PSMD5: variants seen among roughly 807,000 people sequenced by gnomAD.
The protein encoded by PSMD5 is proteasome 26S subunit, non-ATPase 5, also known as 26S proteasome non-ATPase regulatory subunit 5.
Under a neutral mutation model 52.1 loss-of-function variants are expected in PSMD5, and 40 were observed. That is an observed-to-expected ratio of 0.77 (90% CI 0.60 to 1.00). PSMD5 has a LOEUF of 1.00. Among genes scored for constraint, PSMD5 ranks in the 50% least tolerant of loss-of-function variants. The pLI is 0.00. For missense variants in PSMD5, 575 were observed against 605.2 expected (o/e 0.95, Z 0.52); for synonymous variants, 211 against 226.6 (o/e 0.93, Z 0.62).
At chr9:120,828,005 A>AT (rs1199166830) in intron 5 of PSMD5, among the ~76,000 whole-genome samples, 3 of 151,786 alleles carry the variant, frequency 2.0e-5, no homozygotes, top group Admixed American at 6.6e-5. Context: ...ATATCTTTTT[A>AT]TTTTTTTTGA....
At position 120,818,149 on chromosome 9, in the gene PSMD5, T is replaced by A; in HGVS notation, c.1272A>T (p.Gln424His). Residue 424 changes from glutamine (Q) to histidine (H), a missense_variant, in exon 10 of 10, where the codon CAA becomes CAT. Gln to His is a conservative substitution (Grantham distance 24). Transcript: ENST00000210313. The stretch of plus-strand genomic sequence containing the variant: ...TAAACATAAGTTTCTGAGCCCAGGG[T>A]TGGTTTGCAATGGCCTGAAATGGAA... Reference protein sequence around the residue: ...ALKVFTAIANQPWAQKLMFNS... With the variant: ...ALKVFTAIANHPWAQKLMFNS... 6.2e-7 allele frequency: 1 copy of A among 1,613,302 alleles called. No individual in the cohort carries two copies. The highest frequency in any genetic ancestry group is 8.5e-7 in the Non-Finnish European group (1 of 1,179,358).
chr9:120,833,377 T>C lies in PSMD5; in HGVS notation c.253A>G (p.Arg85Gly), dbSNP rs778771512. ...MEPVHVARNL[R>G]VDLQRGLIHP... ...ATTAGTCCCCTCTGCAGGTCAACCC[T>C]GAGGTTCCGGGCCACGTGAACCGGT... The change falls in exon 2 of 10, where the codon AGG becomes GGG. Residue 85 changes from arginine to glycine, a missense_variant. By Grantham distance (125) the Arg-to-Gly change is moderately radical. Transcript: ENST00000210313. The C allele has an allele frequency of 3.1e-6, 5 of 1,614,106 alleles. No homozygotes were observed. Among genetic ancestry groups the C allele is most frequent in the Non-Finnish European group, 4.2e-6 (5 of 1,179,940 alleles).
At chr9:120,835,615 C>T (rs930132876) in intron 1 of PSMD5, among the ~76,000 whole-genome samples, 62 of 152,064 alleles carry the variant, frequency 4.1e-4, no homozygotes, top group African/African-American at 1.5e-3. Flanking sequence ...GTAATCCCAC[C>T]TACTTCAGGA....
At chr9:120,833,975 CTTTTTTTTTTT>C (rs34657179) in intron 1 of PSMD5, among the ~76,000 whole-genome samples, 1 of 80,322 alleles carries the variant, frequency 1.2e-5, no homozygotes, top group Non-Finnish European at 2.4e-5. Flanking sequence ...CGCACCTGGC[CTTTTTTTTTTT>C]TTTTTTTTTT....
At position 120,817,561 on chromosome 9, in the gene PSMD5, G is replaced by A. The variant is rs772984748; in HGVS notation, c.*345C>T. 13 of 200,696 alleles carry A rather than the reference G, an allele frequency of 6.5e-5. No homozygotes were observed. The highest frequency in any genetic ancestry group is 1.0e-4 in the Non-Finnish European group (10 of 98,142). The allele number at this position is 200,696 out of a possible 1,614,324, so 12.4% of individuals were successfully genotyped here. On this transcript the variant is annotated 3_prime_UTR_variant, in exon 10 of 10. Transcript: ENST00000210313. Reference sequence around the variant, plus strand: ...CTGGGAATTATAGGTGTTAGCCACCGCGCCCAGCCCTGAAGCAGGCTTTTA... The same window carrying A: ...CTGGGAATTATAGGTGTTAGCCACCACGCCCAGCCCTGAAGCAGGCTTTTA...
intron 6 of PSMD5, 136 bp downstream of exon 6, chr9:120,826,629 C>T (rs1036788506): frequency 2.5e-5 from 28 of 1,129,728 alleles, no homozygotes; most frequent in African/African-American, 1.7e-4. Flanking sequence ...ATCTTCTAAA[C>T]GAAATCAGCT....
At position 120,833,420 on chromosome 9, in the gene PSMD5, T is replaced by A; in HGVS notation, c.210A>T (p.Arg70Ser). Residue 70 changes from arginine (R) to serine (S), a missense_variant, in exon 2 of 10, where the codon AGA (arginine) becomes AGT (serine). By Grantham distance (110) the Arg-to-Ser change is moderately radical (BLOSUM62 -1). Coordinates refer to ENST00000210313, the MANE Select transcript of PSMD5 (RefSeq NM_005047.4). ...KTTLCVSILE[R>S]LLQAMEPVHV... ...GAACCGGTTCCATAGCTTGGAGCAA[T>A]CTCTCCAGAATGGATACACACAAAG... 1 of 1,614,016 alleles carries A rather than the reference T, an allele frequency of 6.2e-7. No individual in the cohort carries two copies. The highest frequency in any genetic ancestry group is 1.1e-5 in the South Asian group (1 of 91,080).
chr9:120,827,151 T>C (rs2045128507), intron 5 of PSMD5, among the ~76,000 whole-genome samples: 2 of 152,220 alleles, frequency 1.3e-5, no homozygotes, highest in South Asian at 4.1e-4. Context: ...AAGTCCACTA[T>C]TGTTTCCACT....
In PSMD5 at chr9:120,824,586, T is replaced by C. The variant is rs2045109551; in HGVS notation, c.914A>G (p.Glu305Gly). ...IFVEKVFEMI[E>G]SQDPTMIGVA... is the part of the protein sequence containing the mutation. Reference sequence around the variant, plus strand: ...ACCAATCATAGTGGGGTCCTGACTTTCTATCATTTCAAAGACTTTTTCCAC... The same window carrying C: ...ACCAATCATAGTGGGGTCCTGACTTCCTATCATTTCAAAGACTTTTTCCAC... The change falls in exon 7 of 10, where the codon GAA becomes GGA. Residue 305 changes from glutamate (E) to glycine (G), a missense_variant. Physicochemically the swap from Glu to Gly is moderately conservative, Grantham distance 98. Transcript: ENST00000210313. The C allele has an allele frequency of 1.2e-6, 2 of 1,614,096 alleles. No individual in the cohort carries two copies. Among genetic ancestry groups the C allele is most frequent in the African/African-American group, 1.3e-5 (1 of 74,950 alleles).
Position 120,842,721 on chromosome 9 carries a change from C to G in PSMD5, c.173+16G>C. ...GGTGCCCCTCTCCTCGGCTCAAGCC[C>G]CCGGGGTCCTCTCACCTATGGTTCT... On this transcript the variant is annotated intron_variant, in intron 1 of 9. Transcript: ENST00000210313. The G allele has an allele frequency of 6.2e-7, 1 of 1,612,982 alleles. No homozygotes were observed. Among genetic ancestry groups the G allele is most frequent in the Non-Finnish European group, 8.5e-7 (1 of 1,179,948 alleles).
At chr9:120,820,695 A>T in intron 9 of PSMD5, 144 bp downstream of exon 9, 1 of 725,392 alleles carries the variant, frequency 1.4e-6, no homozygotes, top group African/African-American at 1.8e-5. Flanking sequence ...CTGTCTCCTT[A>T]CTTAGTCTCT....
At chr9:120,831,994 G>A (rs372698536) in intron 2 of PSMD5, 49 bp from the exon 3 acceptor site, 30 of 1,587,648 alleles carry the variant, frequency 1.9e-5, no homozygotes, top group East Asian at 1.3e-4. Flanking sequence ...GGCAACATAC[G>A]GTAAACACAC....
At chr9:120,827,936 T>C (rs534620841) in intron 5 of PSMD5, among the ~76,000 whole-genome samples, 2 of 152,358 alleles carry the variant, frequency 1.3e-5, no homozygotes, top group East Asian at 3.9e-4. Context: ...TAACATTTCT[T>C]TGAGAACCTA....
At chr9:120,833,940 T>G (rs1211125705) in intron 1 of PSMD5, among the ~76,000 whole-genome samples, 1 of 149,858 alleles carries the variant, frequency 6.7e-6, no homozygotes, top group Non-Finnish European at 1.5e-5. Flanking sequence ...CCTCCCAAAA[T>G]GCTGGGATTA....
chr9:120,830,522 C>T (rs935184430), intron 4 of PSMD5, among the ~76,000 whole-genome samples: 5 of 151,992 alleles, frequency 3.3e-5, no homozygotes, highest in South Asian at 2.1e-4. Context: ...AAAGATTCAA[C>T]GGAGGATAAT....
At chr9:120,827,021 A>C (rs949856826) in intron 5 of PSMD5, 114 bp from the exon 6 acceptor site, 28 of 1,121,978 alleles carry the variant, frequency 2.5e-5, no homozygotes, top group Non-Finnish European at 3.4e-5. Flanking sequence ...TCGAAAGGTC[A>C]ATAATCTTGG....
At chr9:120,820,663 C>T (rs922931797) in intron 9 of PSMD5, among the ~76,000 whole-genome samples, 176 bp downstream of exon 9, 2 of 152,232 alleles carry the variant, frequency 1.3e-5, no homozygotes, top group Non-Finnish European at 1.5e-5. Flanking sequence ...ATATCTTTTA[C>T]TGAAACAATC....
At chr9:120,840,810 G>A (rs1390576303) in intron 1 of PSMD5, among the ~76,000 whole-genome samples, 1 of 152,046 alleles carries the variant, frequency 6.6e-6, no homozygotes, top group East Asian at 1.9e-4. Context: ...AGTAGAGACA[G>A]GGTTTCACTA....
Position 120,842,767 on chromosome 9 carries a change from G to T in PSMD5, c.143C>A (p.Pro48Gln), listed in dbSNP as rs761935550. 1 of 1,613,092 alleles carries T rather than the reference G, an allele frequency of 6.2e-7. No individual in the cohort carries two copies. Among genetic ancestry groups the T allele is most frequent in the African/African-American group, 1.3e-5 (1 of 74,954 alleles). Residue 48 changes from proline to glutamine, a missense_variant, in exon 1 of 10, where the codon CCG (proline) becomes CAG (glutamine). Coordinates refer to ENST00000210313, the MANE Select transcript of PSMD5 (RefSeq NM_005047.4). ...GTTCTCGTTAAGCAGGGAGAAGAGCGGGCCGAGGCGCAGCTCCGCCGCTTG... is the reference window on the plus strand; with the variant it reads ...GTTCTCGTTAAGCAGGGAGAAGAGCTGGCCGAGGCGCAGCTCCGCCGCTTG... ...RQQAAELRLG[P>Q]LFSLLNENHR...
Sources: gnomAD v4.1 joint callset for allele counts (sites outside exome capture counted in the v4.1 genomes callset) on GRCh38, gnomAD v4.1.1 for gene constraint, MANE v1.5 for transcripts, NCBI Gene and HGNC (gene_info 2026-07-23, HGNC 2026-07-21) for gene names.